Variants in ELAVL2 observed in about 807,000 individuals in gnomAD.
ELAVL2 encodes the protein ELAV-like protein 2.
In ELAVL2, 4 loss-of-function variants were observed where a neutral mutation model predicts 34.6. The observed-to-expected ratio is 0.12, with a 90% CI of 0.06 to 0.26. The LOEUF (loss-of-function observed/expected upper bound fraction) is 0.26. Among genes scored for constraint, ELAVL2 ranks in the 10% least tolerant of loss-of-function variants. ELAVL2 has a pLI of 1.00. For synonymous variants in ELAVL2, 193 were observed against 154.8 expected, an observed-to-expected ratio of 1.25 and a Z score of -1.83; for missense variants, 432 against 442.8, an observed-to-expected ratio of 0.98 and a Z score of 0.22.
chr9:23,774,235 A>AAAAAAAAAG (rs59791462), intron 1 of ELAVL2, among the ~76,000 whole-genome samples: 38 of 132,310 alleles, frequency 2.9e-4, no homozygotes, highest in African/African-American at 1.2e-3. Flanking sequence ...AAAAAAAAAA[A>AAAAAAAAAG]AAAGAAAGAA....
Position 23,704,158 on chromosome 9 carries a change from C to G in ELAVL2, c.487+760G>C, listed in dbSNP as rs999979619. Reference sequence around the variant, plus strand: ...TGTTGGTCACGCTGGTCTTGAACTCCCAGCCTCAGGTGATCCGCCCTCCTT... The same window carrying G: ...TGTTGGTCACGCTGGTCTTGAACTCGCAGCCTCAGGTGATCCGCCCTCCTT... On this transcript the variant is annotated intron_variant, in intron 4 of 6. Transcript: ENST00000397312. 5.8e-4 allele frequency among the ~76,000 whole-genome samples: 62 copies of G among 106,050 alleles called. 2 individuals are homozygous for G. The highest frequency in any genetic ancestry group is 1.7e-3 in the African/African-American group (56 of 33,384). The allele number at this position is 106,050 out of a possible 152,430, so 69.6% of individuals were successfully genotyped here.
At chr9:23,768,634 T>C (rs1353299797) in intron 1 of ELAVL2, among the ~76,000 whole-genome samples, 1 of 152,086 alleles carries the variant, frequency 6.6e-6, no homozygotes, top group Non-Finnish European at 1.5e-5. Flanking sequence ...AAATTCCTAT[T>C]ATATGGTAAA....
chr9:23,765,349 C>A (rs1282707369), intron 1 of ELAVL2, among the ~76,000 whole-genome samples: 1 of 152,040 alleles, frequency 6.6e-6, no homozygotes, highest in East Asian at 1.9e-4. Context: ...ATCTTGGCAT[C>A]TATTCTGAAG....
chr9:23,744,626 CT>C (rs900721163), intron 2 of ELAVL2, among the ~76,000 whole-genome samples: 1 of 151,914 alleles, frequency 6.6e-6, no homozygotes, highest in Admixed American at 6.6e-5. Context: ...AGATTATAAA[CT>C]TTATTTTTCT....
chr9:23,713,028 T>C (rs1376942406), intron 3 of ELAVL2, among the ~76,000 whole-genome samples: 1 of 152,220 alleles, frequency 6.6e-6, no homozygotes, highest in African/African-American at 2.4e-5. Context: ...GAGTGTGGTT[T>C]ATTAAATGCT....
intron 5 of ELAVL2, among the ~76,000 whole-genome samples, chr9:23,695,603 A>C (rs1043733853): frequency 1.3e-5 from 2 of 152,176 alleles, no homozygotes; most frequent in Non-Finnish European, 2.9e-5. Context: ...CTAGATGGTA[A>C]TAGCCTACCA....
intron 3 of ELAVL2, among the ~76,000 whole-genome samples, chr9:23,711,313 G>A (rs1238102501): frequency 6.6e-6 from 1 of 152,148 alleles, no homozygotes; most frequent in Non-Finnish European, 1.5e-5. Context: ...TGGATTTGTT[G>A]AATGTTTTAA....
At chr9:23,789,471 A>G (rs781258737) in intron 1 of ELAVL2, among the ~76,000 whole-genome samples, 1 of 152,242 alleles carries the variant, frequency 6.6e-6, no homozygotes. Flanking sequence ...AAACAGTTCA[A>G]AATAGTAATA....
At chr9:23,837,906 T>C in the ELAVL2 span, among the ~76,000 whole-genome samples, 1 of 152,146 alleles carries the variant, frequency 6.6e-6, no homozygotes, top group Non-Finnish European at 1.5e-5. Context: ...TTTAAAAAGA[T>C]TCAGGTCAAA....
chr9:23,719,264 C>A (rs921154881), intron 3 of ELAVL2, among the ~76,000 whole-genome samples: 2 of 152,186 alleles, frequency 1.3e-5, no homozygotes, highest in Non-Finnish European at 2.9e-5. Flanking sequence ...CAATAACACT[C>A]ACTGGCTGTA....
chr9:23,781,874 C>T lies in ELAVL2; in HGVS notation c.-15-19625G>A, dbSNP rs541027267. The stretch of plus-strand genomic sequence containing the variant: ...TAATTTTTTGTATTTTTAGTAGAGA[C>T]GGGGTTTCAGCGTGTTAGTCAGGAT... On this transcript the variant is annotated intron_variant, in intron 1 of 6. Coordinates refer to ENST00000397312, the MANE Select transcript of ELAVL2 (RefSeq NM_004432.5). Among the ~76,000 whole-genome samples the T allele has an allele frequency of 1.2e-3, 179 of 152,082 alleles. 2 individuals are homozygous for T. The highest frequency in any genetic ancestry group is 2.3e-3 in the South Asian group (11 of 4,818).
intron 5 of ELAVL2, among the ~76,000 whole-genome samples, chr9:23,697,025 C>A (rs923892246): frequency 1.3e-5 from 2 of 151,956 alleles, no homozygotes; most frequent in African/African-American, 4.8e-5. Flanking sequence ...CACCTGCCTC[C>A]CTGGGGGAAG....
chr9:23,730,806 G>A lies in ELAVL2; in HGVS notation c.333+216C>T, dbSNP rs376286480. 4.6e-5 allele frequency among the ~76,000 whole-genome samples: 7 copies of A among 152,152 alleles called. No homozygotes were observed. In the South Asian group the frequency reaches 1.2e-3, roughly 27 times the overall value. ...CCTATAACATTTATCTAAGAGAGTT[G>A]TTGCTCTGTCCCCCTTTGCGAATAC... On this transcript the variant is annotated intron_variant, in intron 3 of 6. Transcript: ENST00000397312.
chr9:23,747,537 C>A (rs1287438839), intron 2 of ELAVL2, among the ~76,000 whole-genome samples: 2 of 152,108 alleles, frequency 1.3e-5, no homozygotes, highest in African/African-American at 4.8e-5. Context: ...GACTACTGAA[C>A]AACTGGTTAA....
chr9:23,758,805 T>C (rs541046001), intron 2 of ELAVL2, among the ~76,000 whole-genome samples: 1 of 152,238 alleles, frequency 6.6e-6, no homozygotes, highest in South Asian at 2.1e-4. Context: ...TAGTTCTTAA[T>C]ACAGTGATTA....
intron 2 of ELAVL2, among the ~76,000 whole-genome samples, chr9:23,755,510 G>A (rs2053333089): frequency 6.6e-6 from 1 of 152,098 alleles, no homozygotes; most frequent in African/African-American, 2.4e-5. Flanking sequence ...AAATAATTAA[G>A]TTTAAAGATA....
At chr9:23,720,477 T>C (rs1468148090) in intron 3 of ELAVL2, among the ~76,000 whole-genome samples, 1 of 152,146 alleles carries the variant, frequency 6.6e-6, no homozygotes, top group Non-Finnish European at 1.5e-5. Flanking sequence ...AAGACACCCA[T>C]TTTAAATGGA....
chr9:23,740,071 A>G (rs115284145), intron 2 of ELAVL2, among the ~76,000 whole-genome samples: 3 of 151,062 alleles, frequency 2.0e-5, no homozygotes, highest in Non-Finnish European at 2.9e-5. Context: ...TCTTGAACAC[A>G]TTTTTCTTAA....
intron 5 of ELAVL2, among the ~76,000 whole-genome samples, chr9:23,699,857 C>G (rs1311287716): frequency 1.0e-5 from 1 of 99,826 alleles, no homozygotes; most frequent in Non-Finnish European, 2.0e-5. Flanking sequence ...TTTTTTAATA[C>G]CAATGCCTTT....
Sources: allele counts gnomAD v4.1 joint callset (sites outside exome capture counted in the v4.1 genomes callset), GRCh38; gene constraint gnomAD v4.1.1; transcripts MANE v1.5; gene names NCBI Gene and HGNC (gene_info 2026-07-23, HGNC 2026-07-21).